Variants in FBN2 observed in about 807,000 individuals in gnomAD.
FBN2 encodes fibrillin 2.
Under a neutral mutation model 355.6 loss-of-function variants are expected in FBN2, and 105 were observed. The observed-to-expected ratio is 0.30, with a 90% CI of 0.25 to 0.35. The LOEUF (loss-of-function observed/expected upper bound fraction) is 0.35, where lower values mean the gene tolerates loss of function less well. Ranked by LOEUF, FBN2 falls within the 10% of genes least tolerant of loss-of-function variation. The pLI is 1.00. For missense variants in FBN2, 3,280 were observed against 3,758.7 expected, an observed-to-expected ratio of 0.87 and a Z score of 3.33; for synonymous variants, 1,350 against 1,301.2, an observed-to-expected ratio of 1.04 and a Z score of -0.81.
At chr5:128,305,266 A>G (rs1290149423) in intron 44 of FBN2, among the ~76,000 whole-genome samples, 184 bp from the exon 45 acceptor site, 1 of 152,146 alleles carries the variant, frequency 6.6e-6, no homozygotes, top group Non-Finnish European at 1.5e-5. Context: ...TTAATCATGC[A>G]AATTTTTTTA....
chr5:128,326,093 G>C (rs536393408), intron 34 of FBN2, among the ~76,000 whole-genome samples: 1 of 152,282 alleles, frequency 6.6e-6, no homozygotes, highest in East Asian at 1.9e-4. Flanking sequence ...CGTTTTCACA[G>C]AATGCCTGCA....
chr5:128,531,724 A>G lies in FBN2; in HGVS notation c.338-1031T>C, dbSNP rs1005226841. Reference sequence around the variant, plus strand: ...TAAGTGTATATATATGTATGTGTGTATATATATATATATATATACACACAC... The same window carrying G: ...TAAGTGTATATATATGTATGTGTGTGTATATATATATATATATACACACAC... On this transcript the variant is annotated intron_variant, in intron 2 of 64. Coordinates refer to ENST00000262464, the MANE Select transcript of FBN2 (RefSeq NM_001999.4). Among the ~76,000 whole-genome samples, 241 of 145,526 alleles carry G rather than the reference A, an allele frequency of 1.7e-3. 2 individuals carry two copies. Among genetic ancestry groups the G allele is most frequent in the Middle Eastern group, 0.011 (3 of 276 alleles).
chr5:128,396,743 G>GA (rs1171518612), intron 8 of FBN2, among the ~76,000 whole-genome samples: 1 of 152,164 alleles, frequency 6.6e-6, no homozygotes, highest in Admixed American at 6.5e-5. Flanking sequence ...GTAACCAATG[G>GA]AAAAAACTGT....
chr5:128,415,139 T>C (rs752341444), intron 7 of FBN2, among the ~76,000 whole-genome samples: 8 of 152,192 alleles, frequency 5.3e-5, no homozygotes, highest in Non-Finnish European at 1.2e-4. Context: ...GCACAGAATG[T>C]GTAATGATCA....
At chr5:128,322,883 C>A (rs1408873939) in intron 34 of FBN2, among the ~76,000 whole-genome samples, 2 of 152,120 alleles carry the variant, frequency 1.3e-5, no homozygotes, top group African/African-American at 4.8e-5. Context: ...TTTCATGATA[C>A]TGATTTTTCC....
chr5:128,370,356 C>A (rs559442742), intron 15 of FBN2, among the ~76,000 whole-genome samples: 1 of 152,236 alleles, frequency 6.6e-6, no homozygotes, highest in South Asian at 2.1e-4. Flanking sequence ...AAAATTTCAT[C>A]TGCTTGTTAT....
intron 7 of FBN2, among the ~76,000 whole-genome samples, chr5:128,416,216 G>A (rs1753194023): frequency 6.6e-6 from 1 of 151,944 alleles, no homozygotes; most frequent in Non-Finnish European, 1.5e-5. Flanking sequence ...GTAGAGATGG[G>A]GTTTCTCCAT....
intron 5 of FBN2, among the ~76,000 whole-genome samples, chr5:128,513,187 T>G (rs1212167923): frequency 6.6e-6 from 1 of 152,224 alleles, no homozygotes; most frequent in Non-Finnish European, 1.5e-5. Flanking sequence ...TCCACAACTG[T>G]TTATCTGAAA....
At chr5:128,433,455 A>C (rs1581290017) in intron 7 of FBN2, among the ~76,000 whole-genome samples, 1 of 152,350 alleles carries the variant, frequency 6.6e-6, no homozygotes, top group East Asian at 1.9e-4. Flanking sequence ...AAAACAGGTA[A>C]GAACAATACA....
intron 7 of FBN2, among the ~76,000 whole-genome samples, chr5:128,427,803 G>C (rs1753520826): frequency 6.6e-6 from 1 of 152,096 alleles, no homozygotes; most frequent in African/African-American, 2.4e-5. Flanking sequence ...CGAGCTGCCT[G>C]ATTTTCCCTG....
At chr5:128,284,290 T>C (rs781767464) in intron 55 of FBN2, among the ~76,000 whole-genome samples, 1 of 152,188 alleles carries the variant, frequency 6.6e-6, no homozygotes, top group Non-Finnish European at 1.5e-5. Flanking sequence ...CTGAGGCACA[T>C]ATTTAAGCCA....
chr5:128,419,291 G>C (rs988740809), intron 7 of FBN2, among the ~76,000 whole-genome samples: 1 of 151,930 alleles, frequency 6.6e-6, no homozygotes, highest in Admixed American at 6.6e-5. Flanking sequence ...TTCCAGTCCG[G>C]GTAACTTTTA....
chr5:128,318,848 A>AG (rs1750286774), intron 35 of FBN2, 31 bp downstream of exon 35: 2 of 1,605,306 alleles, frequency 1.2e-6, no homozygotes, highest in Admixed American at 1.7e-5. Context: ...TCAATGAATC[A>AG]GAACACAACT....
In FBN2 at chr5:128,376,871, G is replaced by C; in HGVS notation, c.1850-18C>G. Reference sequence around the variant, plus strand: ...ATCATGATCTGCAGAAGAGGATTGAGTGACTTTGAACACTGGCCTTGAGGG... The same window carrying C: ...ATCATGATCTGCAGAAGAGGATTGACTGACTTTGAACACTGGCCTTGAGGG... On this transcript the variant is annotated intron_variant, in intron 13 of 64. Transcript: ENST00000262464. 6.2e-7 allele frequency: 1 copy of C among 1,612,526 alleles called. No homozygotes were observed. Among genetic ancestry groups the C allele is most frequent in the Non-Finnish European group, 8.5e-7 (1 of 1,179,278 alleles).
chr5:128,280,209 G>A lies in FBN2; in HGVS notation c.7121C>T (p.Ser2374Leu). 1 of 1,612,306 alleles carries A rather than the reference G, an allele frequency of 6.2e-7. No individual in the cohort carries two copies. The highest frequency in any genetic ancestry group is 8.5e-7 in the Non-Finnish European group (1 of 1,178,706). Residue 2374 changes from serine to leucine, a missense_variant, in exon 56 of 65, where the codon TCA becomes TTA. Physicochemically the swap from Ser to Leu is moderately radical, Grantham distance 145 (BLOSUM62 -2). This residue lies in a region of FBN2 where 2,284 missense variants were observed against 2,749.5 expected (regional missense o/e 0.83). Transcript: ENST00000262464. ...ECNEGFQSSS[S>L]GTECLDNRQG... ...CAACTTACCAAGGCATTCAGTGCCT[G>A]AAGAACTTGACTGGAATCCTTCATT... is the stretch of plus-strand genomic sequence containing the variant.
intron 5 of FBN2, among the ~76,000 whole-genome samples, chr5:128,471,427 C>T (rs1754857780): frequency 6.6e-6 from 1 of 152,100 alleles, no homozygotes; most frequent in Admixed American, 6.5e-5. Context: ...CATGCTGGGT[C>T]TAAATCTTTA....
At chr5:128,358,716 A>G (rs1043904938) in intron 19 of FBN2, among the ~76,000 whole-genome samples, 1 of 152,102 alleles carries the variant, frequency 6.6e-6, no homozygotes, top group African/African-American at 2.4e-5. Flanking sequence ...AACACAATGT[A>G]AAAAAGAAAC....
chr5:128,439,964 A>G (rs1242909716), intron 7 of FBN2, among the ~76,000 whole-genome samples: 2 of 152,156 alleles, frequency 1.3e-5, no homozygotes, highest in Non-Finnish European at 2.9e-5. Context: ...ATCCAAATTT[A>G]TCTGTTTCAA....
intron 41 of FBN2, among the ~76,000 whole-genome samples, chr5:128,307,506 T>C (rs1475905425): frequency 6.6e-6 from 1 of 151,946 alleles, no homozygotes; most frequent in Non-Finnish European, 1.5e-5. Flanking sequence ...CTTTTTCTTT[T>C]AATATGCAGA....
Sources: gnomAD v4.1 joint callset for allele counts (sites outside exome capture counted in the v4.1 genomes callset) on GRCh38, gnomAD v4.1.1 for gene constraint, gnomAD v4.1.1 regional missense constraint, MANE v1.5 for transcripts, NCBI Gene and HGNC (gene_info 2026-07-23, HGNC 2026-07-21) for gene names.